The following VAV2 variants were observed in gnomAD, a reference collection of about 807,000 sequenced individuals.
VAV2 encodes vav guanine nucleotide exchange factor 2.
VAV2 carries 67 observed loss-of-function variants against 132.5 expected under a neutral mutation model. That is an observed-to-expected ratio of 0.51 (90% CI 0.42 to 0.62). The LOEUF (loss-of-function observed/expected upper bound fraction) is 0.62, where lower values mean the gene tolerates loss of function less well. VAV2 is among the 20% of genes least tolerant of loss of function. The probability of loss-of-function intolerance (pLI) is 0.00; values close to 1 mark genes in which losing one functional copy is unlikely to be tolerated. For missense variants in VAV2, 938 were observed against 1,153.6 expected (o/e 0.81, Z 2.71); for synonymous variants, 492 against 443.5 (o/e 1.11, Z -1.37).
At chr9:133,942,166 A>ATCT (rs1841188422) in intron 1 of VAV2, among the ~76,000 whole-genome samples, 1 of 152,222 alleles carries the variant, frequency 6.6e-6, no homozygotes, top group Non-Finnish European at 1.5e-5. Context: ...CAATACAAAG[A>ATCT]TTAATTAGAA....
At chr9:133,767,454 G>T (rs894203005) in intron 29 of VAV2, among the ~76,000 whole-genome samples, 33 of 152,332 alleles carry the variant, frequency 2.2e-4, no homozygotes, top group African/African-American at 7.7e-4. Flanking sequence ...ACTTAATGCT[G>T]TATAGAAAAT....
intron 19 of VAV2, among the ~76,000 whole-genome samples, chr9:133,782,206 T>C (rs1357752950): frequency 6.6e-6 from 1 of 152,168 alleles, no homozygotes; most frequent in Non-Finnish European, 1.5e-5. Flanking sequence ...TCACGGGTGA[T>C]ACTTTCTTTA....
rs968761468 is a variant in VAV2 at position 133,912,410 on chromosome 9, GAC to G, written c.321+26691_321+26692del. On this transcript the variant is annotated intron_variant, in intron 2 of 29. Coordinates refer to ENST00000371850, the MANE Select transcript of VAV2 (RefSeq NM_001134398.2). The surrounding 1 kb of genome is among the most constrained non-coding windows in gnomAD (Gnocchi z 4.3). The stretch of plus-strand genomic sequence containing the variant: ...ACAAACGAGCCGGAGGCTTCTGGAG[GAC>G]AGTGTGCCTAGATGAAGGAACCAGG... Among the ~76,000 whole-genome samples, 1 of 152,312 alleles carries G rather than the reference GAC, an allele frequency of 6.6e-6. No individual in the cohort carries two copies. The highest frequency in any genetic ancestry group is 1.9e-4 in the East Asian group (1 of 5,182).
Position 133,804,209 on chromosome 9 carries a change from G to A in VAV2, c.836+1872C>T, listed in dbSNP as rs1835048399. On this transcript the variant is annotated intron_variant, in intron 9 of 29. Coordinates refer to ENST00000371850, the MANE Select transcript of VAV2 (RefSeq NM_001134398.2). This position sits in a 1 kb window ranked among gnomAD's most constrained non-coding sequence, Gnocchi z 4.5. Reference sequence around the variant, plus strand: ...GGCCGAATCCGAAATGAGAGGAAAGGGGCAAAAAAGCTGGATGCTGGGACA... The same window carrying A: ...GGCCGAATCCGAAATGAGAGGAAAGAGGCAAAAAAGCTGGATGCTGGGACA... Among the ~76,000 whole-genome samples the A allele has an allele frequency of 1.3e-5, 2 of 152,164 alleles. No individual in the cohort carries two copies. Among genetic ancestry groups the A allele is most frequent in the African/African-American group, 2.4e-5 (1 of 41,442 alleles).
intron 2 of VAV2, among the ~76,000 whole-genome samples, chr9:133,924,305 C>T (rs1175240539): frequency 1.3e-5 from 2 of 152,170 alleles, no homozygotes; most frequent in Non-Finnish European, 2.9e-5. Flanking sequence ...GCCTTAGCCT[C>T]CCGAGTAGCT....
chr9:133,877,902 G>A (rs1400077555), intron 2 of VAV2, among the ~76,000 whole-genome samples: 2 of 152,330 alleles, frequency 1.3e-5, no homozygotes, highest in South Asian at 2.1e-4. Flanking sequence ...AAGTGCAAGC[G>A]TTAACACAGG....
At chr9:133,974,694 A>G (rs1261184673) in intron 1 of VAV2, among the ~76,000 whole-genome samples, 1 of 152,022 alleles carries the variant, frequency 6.6e-6, no homozygotes, top group East Asian at 1.9e-4. Context: ...TCACTGTGCC[A>G]TTCACCCACT....
Position 133,775,055 on chromosome 9 carries a change from C to CA in VAV2, c.2019-5dup. On this transcript the variant is annotated splice_polypyrimidine_tract_variant and splice_region_variant and intron_variant, in intron 24 of 29. Transcript: ENST00000371850. ...CCTCTCCATGTTACCTGCAAACCTA[C>CA]AGGAGGGGGCCGGGAGGAAACGAGA... 1 of 1,601,290 alleles carries CA rather than the reference C, an allele frequency of 6.2e-7. No individual in the cohort carries two copies. Among genetic ancestry groups the CA allele is most frequent in the Non-Finnish European group, 8.5e-7 (1 of 1,174,220 alleles).
intron 4 of VAV2, among the ~76,000 whole-genome samples, chr9:133,816,492 A>G (rs910214867): frequency 6.6e-6 from 1 of 152,188 alleles, no homozygotes; most frequent in African/African-American, 2.4e-5. Context: ...TCTCAAGTTA[A>G]TTTATGTGCG....
At chr9:133,860,891 T>C (rs1438025798) in intron 3 of VAV2, among the ~76,000 whole-genome samples, 2 of 152,018 alleles carry the variant, frequency 1.3e-5, no homozygotes, top group East Asian at 1.9e-4. Context: ...AGGCTGAATT[T>C]TGCAGTCCAA....
At position 133,775,037 on chromosome 9, in the gene VAV2, A is replaced by T. The variant is rs769246708; in HGVS notation, c.2033T>A (p.Met678Lys). ...YTAYPWFAGN[M>K]ERQQTDNLLK... ...CAGGTTGTCCGTCTGCTGCCTCTCC[A>T]TGTTACCTGCAAACCTACAGGAGGG... The change falls in exon 25 of 30, where the codon ATG becomes AAG. Residue 678 changes from methionine (M) to lysine (K), a missense_variant. By Grantham distance (95) the Met-to-Lys change is moderately conservative. Transcript: ENST00000371850. 2 of 1,610,144 alleles carry T rather than the reference A, an allele frequency of 1.2e-6. No homozygotes were observed. Among genetic ancestry groups the T allele is most frequent in the Non-Finnish European group, 1.7e-6 (2 of 1,178,392 alleles).
chr9:133,890,835 C>A (rs1311358948), intron 2 of VAV2, among the ~76,000 whole-genome samples: 1 of 152,106 alleles, frequency 6.6e-6, no homozygotes, highest in African/African-American at 2.4e-5. Flanking sequence ...ATATTCAGCA[C>A]GCCTGAGCTG....
intron 1 of VAV2, among the ~76,000 whole-genome samples, chr9:133,943,661 T>G (rs1461760719): frequency 3.9e-5 from 6 of 152,140 alleles, no homozygotes; most frequent in East Asian, 1.9e-4. Context: ...GGGTCCCCAC[T>G]GTGTTTGTTT....
chr9:133,797,630 G>C, intron 10 of VAV2, 80 bp downstream of exon 10: 1 of 1,246,312 alleles, frequency 8.0e-7, no homozygotes, highest in Non-Finnish European at 1.1e-6. Flanking sequence ...GGGCAAGAGA[G>C]AGGCTGGTAC....
Position 133,929,289 on chromosome 9 carries a change from G to A in VAV2, c.321+9814C>T, listed in dbSNP as rs143959004. 3.4e-3 allele frequency among the ~76,000 whole-genome samples: 511 copies of A among 152,266 alleles called. 3 individuals carry two copies. The highest frequency in any genetic ancestry group is 0.011 in the African/African-American group (464 of 41,554). ...AGTCCGGACAGTGGTGGGTGGGTTT[G>A]TGGTGGGGGAAGGGGCAATGGCAGG... On this transcript the variant is annotated intron_variant, in intron 2 of 29. Coordinates refer to ENST00000371850, the MANE Select transcript of VAV2 (RefSeq NM_001134398.2).
chr9:133,809,279 G>T, intron 6 of VAV2, 141 bp from the exon 7 acceptor site: 1 of 643,052 alleles, frequency 1.6e-6, no homozygotes, highest in Non-Finnish European at 2.7e-6. Flanking sequence ...GTGCAGTGCT[G>T]CAGCCAGATG....
intron 2 of VAV2, among the ~76,000 whole-genome samples, chr9:133,893,416 G>A (rs1839061163): frequency 6.6e-6 from 1 of 152,226 alleles, no homozygotes; most frequent in Non-Finnish European, 1.5e-5. Flanking sequence ...CGCCACGGTG[G>A]GGCAGCGTGG....
Position 133,919,578 on chromosome 9 carries a change from C to T in VAV2, c.321+19525G>A, listed in dbSNP as rs1840220754. 6.6e-6 allele frequency among the ~76,000 whole-genome samples: 1 copy of T among 152,200 alleles called. No homozygotes were observed. Among genetic ancestry groups the T allele is most frequent in the Non-Finnish European group, 1.5e-5 (1 of 68,038 alleles). On this transcript the variant is annotated intron_variant, in intron 2 of 29. Transcript: ENST00000371850. This position sits in a 1 kb window ranked among gnomAD's most constrained non-coding sequence, Gnocchi z 5.8. ...GGGCTGCCCACTCAGCAAGGGAAGC[C>T]ACCAGGACACCGGGTTTTTCCTGAA...
At chr9:133,838,128 C>T in intron 3 of VAV2, among the ~76,000 whole-genome samples, 1 of 152,040 alleles carries the variant, frequency 6.6e-6, no homozygotes, top group Non-Finnish European at 1.5e-5. Context: ...CCCTTTCACT[C>T]CGCTCCCCCC....
Sources: gnomAD v4.1 joint callset for allele counts (sites outside exome capture counted in the v4.1 genomes callset) on GRCh38, gnomAD v4.1.1 for gene constraint, Gnocchi (gnomAD v3.1) non-coding constraint, MANE v1.5 for transcripts, NCBI Gene and HGNC (gene_info 2026-07-23, HGNC 2026-07-21) for gene names.